The following STAG1 variants were observed in gnomAD, a reference collection of about 807,000 sequenced individuals.
STAG1 encodes the protein cohesin subunit SA-1.
In STAG1, 26 loss-of-function variants were observed where a neutral mutation model predicts 170.9. The ratio of observed to expected loss-of-function variants is 0.15; its 90% CI spans 0.11 to 0.21. STAG1 has a LOEUF of 0.21. Ranked by LOEUF, STAG1 falls within the 10% of genes least tolerant of loss-of-function variation. STAG1 has a pLI of 1.00. For missense variants in STAG1, 964 were observed against 1,509.5 expected (o/e 0.64, Z 5.99); for synonymous variants, 514 against 497.7 (o/e 1.03, Z -0.44).
intron 7 of STAG1, among the ~76,000 whole-genome samples, chr3:136,514,548 G>A (rs994242543): frequency 4.6e-5 from 7 of 152,056 alleles, no homozygotes; most frequent in African/African-American, 1.2e-4. Flanking sequence ...TTGACCCAGC[G>A]ATCCCATTAC....
intron 6 of STAG1, among the ~76,000 whole-genome samples, chr3:136,538,211 C>T (rs1935733198): frequency 6.6e-6 from 1 of 152,040 alleles, no homozygotes; most frequent in Non-Finnish European, 1.5e-5. Flanking sequence ...TAGCGCAATA[C>T]TATATACATT....
chr3:136,727,646 C>T (rs1388195990), intron 1 of STAG1, among the ~76,000 whole-genome samples: 1 of 152,112 alleles, frequency 6.6e-6, no homozygotes, highest in African/African-American at 2.4e-5. Flanking sequence ...TCTAGGAACA[C>T]AACATGCTAG....
At chr3:136,360,751 C>A (rs914099346) in intron 26 of STAG1, among the ~76,000 whole-genome samples, 7 of 152,120 alleles carry the variant, frequency 4.6e-5, no homozygotes, top group African/African-American at 1.7e-4. Context: ...TCACTGCAAG[C>A]TCCACCTCCT....
chr3:136,749,485 C>T (rs1034573252), intron 1 of STAG1, among the ~76,000 whole-genome samples: 1 of 152,188 alleles, frequency 6.6e-6, no homozygotes, highest in African/African-American at 2.4e-5. Flanking sequence ...CAGTGGCTCA[C>T]AACTGTAATC....
chr3:136,343,794 A>C, intron 30 of STAG1, 38 bp downstream of exon 30: 2 of 1,474,716 alleles, frequency 1.4e-6, no homozygotes, highest in African/African-American at 1.4e-5. Context: ...ACTTTCTTTA[A>C]AGGCTTTTTG....
intron 16 of STAG1, among the ~76,000 whole-genome samples, chr3:136,430,546 G>C (rs1288352851): frequency 6.7e-6 from 1 of 149,984 alleles, no homozygotes; most frequent in East Asian, 1.9e-4. Flanking sequence ...CAATTTTTTG[G>C]CTTCCCTGGG....
At chr3:136,524,202 C>T (rs565321219) in intron 6 of STAG1, among the ~76,000 whole-genome samples, 80 of 152,228 alleles carry the variant, frequency 5.3e-4, no homozygotes, top group Non-Finnish European at 3.2e-4. Flanking sequence ...GCCATTTTCA[C>T]GATATTGATT....
At chr3:136,669,206 A>G (rs1233745650) in intron 1 of STAG1, among the ~76,000 whole-genome samples, 1 of 152,248 alleles carries the variant, frequency 6.6e-6, no homozygotes, top group African/African-American at 2.4e-5. Context: ...CACTGTATTT[A>G]GAATCCACTT....
chr3:136,433,737 A>T, intron 15 of STAG1, 78 bp from the exon 16 acceptor site: 1 of 937,506 alleles, frequency 1.1e-6, no homozygotes, highest in Non-Finnish European at 1.7e-6. Context: ...ACATTATTAA[A>T]AAAACTGAAA....
intron 2 of STAG1, among the ~76,000 whole-genome samples, chr3:136,624,657 A>T (rs1198152721): frequency 6.6e-6 from 1 of 152,192 alleles, no homozygotes; most frequent in African/African-American, 2.4e-5. Context: ...CTTTAAGTTG[A>T]ATCTGCATTG....
intron 21 of STAG1, among the ~76,000 whole-genome samples, chr3:136,401,428 T>A (rs2108345809): frequency 6.6e-6 from 1 of 152,328 alleles, no homozygotes; most frequent in Non-Finnish European, 1.5e-5. Context: ...TCATACAGTA[T>A]GTGTATGTAC....
chr3:136,742,707 T>A (rs1576839264), intron 1 of STAG1, among the ~76,000 whole-genome samples: 2 of 140,818 alleles, frequency 1.4e-5, no homozygotes. Flanking sequence ...AGAGCAAGAC[T>A]CCATCTCAAA....
At chr3:136,695,504 G>A (rs1436641778) in intron 1 of STAG1, among the ~76,000 whole-genome samples, 1 of 151,922 alleles carries the variant, frequency 6.6e-6, no homozygotes, top group Non-Finnish European at 1.5e-5. Flanking sequence ...TCCTCAATGG[G>A]GGAGTTACTT....
intron 6 of STAG1, among the ~76,000 whole-genome samples, chr3:136,536,407 A>G (rs766576801): frequency 2.0e-5 from 3 of 152,176 alleles, no homozygotes; most frequent in Non-Finnish European, 4.4e-5. Context: ...TCAGTATCAT[A>G]AACTTCTGAC....
At chr3:136,486,642 A>T (rs552115241) in intron 9 of STAG1, among the ~76,000 whole-genome samples, 1 of 152,344 alleles carries the variant, frequency 6.6e-6, no homozygotes, top group Admixed American at 6.5e-5. Context: ...GGACAAAGTC[A>T]ATAGGTACAG....
At chr3:136,466,302 C>T (rs1412565794) in intron 12 of STAG1, among the ~76,000 whole-genome samples, 1 of 152,104 alleles carries the variant, frequency 6.6e-6, no homozygotes, top group Non-Finnish European at 1.5e-5. Context: ...GTAGAGAAGT[C>T]CTTAAATGAC....
intron 10 of STAG1, 123 bp downstream of exon 10, chr3:136,477,166 A>C (rs763462455): frequency 3.0e-5 from 32 of 1,054,656 alleles, no homozygotes; most frequent in Non-Finnish European, 4.1e-5. Flanking sequence ...ATTCAGCTGC[A>C]TCATCTTAAA....
chr3:136,414,039 T>C (rs955881174), intron 21 of STAG1, among the ~76,000 whole-genome samples: 17 of 152,226 alleles, frequency 1.1e-4, no homozygotes, highest in Admixed American at 1.1e-3. Flanking sequence ...AAAATGCTAA[T>C]GATCACCTGA....
At chr3:136,633,439 G>T (rs1940412210) in intron 1 of STAG1, among the ~76,000 whole-genome samples, 1 of 152,206 alleles carries the variant, frequency 6.6e-6, no homozygotes, top group South Asian at 2.1e-4. Flanking sequence ...GGTGGCTCAC[G>T]CCTGTAATCC....
Sources: gnomAD v4.1 joint callset for allele counts (sites outside exome capture counted in the v4.1 genomes callset) on GRCh38, gnomAD v4.1.1 for gene constraint, MANE v1.5 for transcripts, NCBI Gene and HGNC (gene_info 2026-07-23, HGNC 2026-07-21) for gene names.